The following H2BC18 variants were observed in gnomAD, a reference collection of about 807,000 sequenced individuals.
H2BC18 encodes histone H2B type 2-F.
Under a neutral mutation model 6.3 loss-of-function variants are expected in H2BC18, and 8 were observed. That is an observed-to-expected ratio of 1.28 (90% CI 0.75 to 2.31). The LOEUF is 2.31. H2BC18 is among the 30% of genes most tolerant of loss of function. The pLI, the probability that H2BC18 is intolerant of heterozygous loss-of-function variation, is 0.00. For synonymous variants in H2BC18, 104 were observed against 78.1 expected (o/e 1.33, Z -1.75); for missense variants, 106 against 174.5 (o/e 0.61, Z 2.21).
At chr1:149,793,013 A>G in intron 1 of H2BC18, 1 of 1,267,126 alleles carries the variant, frequency 7.9e-7, no homozygotes, top group Non-Finnish European at 1.0e-6. Flanking sequence ...GAGTCCCTCC[A>G]ACCCCGCCCC....
At chr1:149,784,248 A>C (rs782068172) in intron 1 of H2BC18, 2 of 1,611,072 alleles carry the variant, frequency 1.2e-6, no homozygotes, top group South Asian at 2.2e-5. Flanking sequence ...ACAGCTGGAA[A>C]TCCACAGAGG....
intron 1 of H2BC18, among the ~76,000 whole-genome samples, chr1:149,797,359 C>T (rs6695559): frequency 2.6e-5 from 4 of 151,866 alleles, no homozygotes; most frequent in Non-Finnish European, 4.4e-5. Context: ...TGTCTACATT[C>T]GCAAATATAT....
At chr1:149,800,343 G>A (rs1171187606) in intron 1 of H2BC18, among the ~76,000 whole-genome samples, 2 of 152,022 alleles carry the variant, frequency 1.3e-5, no homozygotes, top group African/African-American at 4.8e-5. Flanking sequence ...AGGAATCACT[G>A]ATTAAACCAT....
At chr1:149,788,371 C>T (rs782637408) in intron 1 of H2BC18, 1 of 1,612,580 alleles carries the variant, frequency 6.2e-7, no homozygotes, top group East Asian at 2.2e-5. Context: ...TTCAGGCTGG[C>T]TACTACTGCA....
downstream of H2BC18, among the ~76,000 whole-genome samples, chr1:149,809,647 A>T (rs1236623005): frequency 6.9e-6 from 1 of 145,140 alleles, no homozygotes; most frequent in Non-Finnish European, 1.5e-5. Context: ...GAAGACAGAC[A>T]AGAAAATGTA....
downstream of H2BC18, among the ~76,000 whole-genome samples, chr1:149,808,883 G>T (rs1200330930): frequency 1.3e-5 from 2 of 151,726 alleles, no homozygotes; most frequent in Admixed American, 1.3e-4. Flanking sequence ...TCCCACAGAG[G>T]TCATGTACTT....
At chr1:149,785,457 C>T (rs1553750723) in intron 1 of H2BC18, among the ~76,000 whole-genome samples, 1 of 125,322 alleles carries the variant, frequency 8.0e-6, no homozygotes, top group African/African-American at 3.0e-5. Context: ...CACTCCGTTG[C>T]CCAGGCTGGA....
At chr1:149,785,403 G>GTTAC (rs2091514573) in intron 1 of H2BC18, among the ~76,000 whole-genome samples, 1 of 86,542 alleles carries the variant, frequency 1.2e-5, no homozygotes, top group Non-Finnish European at 2.3e-5. Context: ...TGACAGAGCT[G>GTTAC]TTTCGTTTTT....
Position 149,788,730 on chromosome 1 carries a change from G to T in H2BC18, c.378-5470C>A, listed in dbSNP as rs2102049901. Reference sequence around the variant, plus strand: ...AGTGAAGAAACCGGGCTCCAGAGAGGTAAACTGCATTACTAAAGGCCACAC... The same window carrying T: ...AGTGAAGAAACCGGGCTCCAGAGAGTTAAACTGCATTACTAAAGGCCACAC... On this transcript the variant is annotated intron_variant, in intron 1 of 1. Transcript: ENST00000545683. 4 of 1,310,144 alleles carry T rather than the reference G, an allele frequency of 3.1e-6. No homozygotes were observed. The South Asian group carries it at 5.4e-5, about 18-fold the overall frequency. The allele number at this position is 1,310,144 out of a possible 1,614,324, so 81.2% of individuals were successfully genotyped here.
intron 1 of H2BC18, chr1:149,792,958 G>A (rs1448862770): frequency 6.7e-5 from 85 of 1,275,854 alleles, no homozygotes; most frequent in Middle Eastern, 3.3e-4. Context: ...CAGAATGGAA[G>A]TTCGGTAGTC....
intron 1 of H2BC18, among the ~76,000 whole-genome samples, chr1:149,789,234 C>A (rs1418174730): frequency 6.6e-6 from 1 of 151,482 alleles, no homozygotes; most frequent in Non-Finnish European, 1.5e-5. Context: ...AAGTCAGGAA[C>A]AAAAATAATG....
At chr1:149,808,954 G>A (rs2091948101), downstream of H2BC18, among the ~76,000 whole-genome samples, 1 of 150,068 alleles carries the variant, frequency 6.7e-6, no homozygotes, top group African/African-American at 2.5e-5. Context: ...TTTTAGAACA[G>A]CTTTAGGAAC....
intron 1 of H2BC18, chr1:149,803,509 A>G (rs1553753574): frequency 6.6e-6 from 1 of 152,098 alleles, no homozygotes; most frequent in Non-Finnish European, 1.5e-5. Flanking sequence ...GTGCTGCTCC[A>G]GTACCTAGAT....
At chr1:149,786,730 CCATTT>C (rs2091561264) in intron 1 of H2BC18, 1 of 152,104 alleles carries the variant, frequency 6.6e-6, no homozygotes, top group African/African-American at 2.4e-5. Context: ...ACTACCATTA[CCATTT>C]AAGTTTAAAA....
chr1:149,784,281 G>A, intron 1 of H2BC18: 1 of 1,609,250 alleles, frequency 6.2e-7, no homozygotes, highest in Non-Finnish European at 8.5e-7. Flanking sequence ...GGACCAGGAG[G>A]GCCGGAAACC....
Position 149,785,406 on chromosome 1 carries a change from T to TC in H2BC18, c.378-2147dup, listed in dbSNP as rs1426499548. On this transcript the variant is annotated intron_variant, in intron 1 of 1. Transcript: ENST00000545683. The stretch of plus-strand genomic sequence containing the variant: ...GGTTAGGGAAGCTGACAGAGCTGTT[T>TC]CGTTTTTTTTTTTTTTTTTTTTTTT... Among the ~76,000 whole-genome samples, 810 of 134,280 alleles carry TC rather than the reference T, an allele frequency of 6.0e-3. 94 individuals are homozygous for TC. Among genetic ancestry groups the TC allele is most frequent in the African/African-American group, 0.021 (744 of 34,706 alleles). 88.1% of individuals were successfully genotyped at this position (134,280 alleles called of 152,430 possible). A position where few individuals can be genotyped will look rare whatever the true frequency, so the allele number is the denominator to read the frequency against.
chr1:149,804,222 T>C (rs2091897518), intron 1 of H2BC18, among the ~76,000 whole-genome samples: 1 of 152,024 alleles, frequency 6.6e-6, no homozygotes. Flanking sequence ...TTTAATGAAA[T>C]GATTTCACTT....
At chr1:149,811,612 C>T (rs1161817062), downstream of H2BC18, 3 of 387,020 alleles carry the variant, frequency 7.8e-6, no homozygotes, top group Non-Finnish European at 1.4e-5. Flanking sequence ...AGGTTAAAGG[C>T]CGAAGGGGTG....
At chr1:149,810,474 A>G (rs2091961942), downstream of H2BC18, 1 of 152,148 alleles carries the variant, frequency 6.6e-6, no homozygotes, top group African/African-American at 2.4e-5. Context: ...AGTAAAATTC[A>G]TTTTAAGCAC....
Sources: allele counts gnomAD v4.1 joint callset (sites outside exome capture counted in the v4.1 genomes callset), GRCh38; gene constraint gnomAD v4.1.1; transcripts MANE v1.5; gene names NCBI Gene and HGNC (gene_info 2026-07-23, HGNC 2026-07-21).